The following FGF19 variants were observed in gnomAD, a reference collection of about 807,000 sequenced individuals.
The protein encoded by FGF19 is FGF-19.
In FGF19, 5 loss-of-function variants were observed where a neutral mutation model predicts 8.9. The ratio of observed to expected loss-of-function variants is 0.56; its 90% CI spans 0.29 to 1.18. FGF19 has a LOEUF of 1.18. Among genes scored for constraint, FGF19 ranks in the 50% most tolerant of loss-of-function variants. FGF19 has a pLI of 0.08. For missense variants in FGF19, 237 were observed against 293.9 expected (o/e 0.81, Z 1.42); for synonymous variants, 124 against 128.0 (o/e 0.97, Z 0.21).
chr11:69,702,742 A>C lies in FGF19; in HGVS notation c.336+519T>G, dbSNP rs1158599954. ...CGTGCTCCTGGTAGATTAAAAATTAATTCTAAAAAAAAAATCTCTCCTATC... is the reference window on the plus strand; with the variant it reads ...CGTGCTCCTGGTAGATTAAAAATTACTTCTAAAAAAAAAATCTCTCCTATC... On this transcript the variant is annotated intron_variant, in intron 2 of 2. Transcript: ENST00000294312. This position sits in a 1 kb window ranked among gnomAD's most constrained non-coding sequence, Gnocchi z 4.6. Among the ~76,000 whole-genome samples, 1 of 152,108 alleles carries C rather than the reference A, an allele frequency of 6.6e-6. No homozygotes were observed. The highest frequency in any genetic ancestry group is 6.5e-5 in the Admixed American group (1 of 15,278).
chr11:69,703,188 C>T lies in FGF19; in HGVS notation c.336+73G>A. Reference sequence around the variant, plus strand: ...CCTGGATTCGAACCAGCGCCTTTCTCTCCTTCAGGCCTCCGCCCGGGGACA... The same window carrying T: ...CCTGGATTCGAACCAGCGCCTTTCTTTCCTTCAGGCCTCCGCCCGGGGACA... On this transcript the variant is annotated intron_variant, in intron 2 of 2. Transcript: ENST00000294312. The surrounding 1 kb of genome is among the most constrained non-coding windows in gnomAD (Gnocchi z 6.8). 3.8e-6 allele frequency: 4 copies of T among 1,057,892 alleles called. No homozygotes were observed. In the East Asian group the frequency reaches 1.1e-4, roughly 28 times the overall value. 65.5% of individuals were successfully genotyped at this position (1,057,892 alleles called of 1,614,324 possible).
Position 69,699,220 on chromosome 11 carries a change from A to T in FGF19, c.*42T>A. ...GCACGTCCCCCACGCTGCAGGTACC[A>T]CAGCCCCTGGCAGCAGTGAAGAGGC... On this transcript the variant is annotated 3_prime_UTR_variant, in exon 3 of 3. Transcript: ENST00000294312. 6.8e-7 allele frequency: 1 copy of T among 1,467,570 alleles called. No individual in the cohort carries two copies. The highest frequency in any genetic ancestry group is 9.3e-7 in the Non-Finnish European group (1 of 1,070,788). 90.9% of individuals were successfully genotyped at this position (1,467,570 alleles called of 1,614,324 possible). A position where few individuals can be genotyped will look rare whatever the true frequency, so the allele number is the denominator to read the frequency against.
rs867463501 is a variant in FGF19 at position 69,703,512 on chromosome 11, C to G, written c.232+133G>C. The G allele has an allele frequency of 5.1e-6, 4 of 784,434 alleles. No homozygotes were observed. The South Asian group carries it at 1.0e-4, about 20-fold the overall frequency. The allele number at this position is 784,434 out of a possible 1,614,324, so 48.6% of individuals were successfully genotyped here. On this transcript the variant is annotated intron_variant, in intron 1 of 2. Coordinates refer to ENST00000294312, the MANE Select transcript of FGF19 (RefSeq NM_005117.3). This position sits in a 1 kb window ranked among gnomAD's most constrained non-coding sequence, Gnocchi z 6.8. Reference sequence around the variant, plus strand: ...GATCCTAACGTCCAGGTGCCAAAACCTGGGGTTCCCAGGAGTTGAGGGGTC... The same window carrying G: ...GATCCTAACGTCCAGGTGCCAAAACGTGGGGTTCCCAGGAGTTGAGGGGTC...
chr11:69,703,953 G>T lies in FGF19; in HGVS notation c.-77C>A, dbSNP rs538941127. On this transcript the variant is annotated 5_prime_UTR_variant, in exon 1 of 3. Transcript: ENST00000294312. The surrounding 1 kb of genome is among the most constrained non-coding windows in gnomAD (Gnocchi z 6.8). ...CTGGGCGGCGACCGGGATGCGCTGC[G>T]GGGCTGTGAGTGCCGGGTTGGGATG... The T allele has an allele frequency of 1.1e-6, 1 of 869,892 alleles. No homozygotes were observed. Among genetic ancestry groups the T allele is most frequent in the Non-Finnish European group, 1.5e-6 (1 of 653,806 alleles). 53.9% of individuals were successfully genotyped at this position (869,892 alleles called of 1,614,324 possible).
chr11:69,698,743 G>T lies in FGF19; in HGVS notation c.*519C>A, dbSNP rs1187125810. 1 of 205,332 alleles carries T rather than the reference G, an allele frequency of 4.9e-6. No individual in the cohort carries two copies. The highest frequency in any genetic ancestry group is 1.0e-5 in the Non-Finnish European group (1 of 99,684). The allele number at this position is 205,332 out of a possible 1,614,324, so 12.7% of individuals were successfully genotyped here. A position where few individuals can be genotyped will look rare whatever the true frequency, so the allele number is the denominator to read the frequency against. ...GCTCCAGTCAGTTCTGGCCTGGAGG[G>T]ATTTGGGAAGGGCAAATGGTCCCTG... On this transcript the variant is annotated 3_prime_UTR_variant, in exon 3 of 3. Coordinates refer to ENST00000294312, the MANE Select transcript of FGF19 (RefSeq NM_005117.3).
In FGF19 at chr11:69,699,403, G is replaced by A. The variant is rs745727296; in HGVS notation, c.510C>T (p.Pro170=). The A allele has an allele frequency of 2.2e-5, 36 of 1,614,080 alleles. No individual in the cohort carries two copies. The highest frequency in any genetic ancestry group is 2.6e-5 in the Non-Finnish European group (31 of 1,180,034). ...LPLSHFLPML[P]MVPEEPEDLR... ...GGTCCTCAGGCTCCTCTGGGACCAT[G>A]GGCAGCATGGGCAGGAAATGAGAGA... The change falls in exon 3 of 3, where the codon CCC becomes CCT. Residue 170 remains proline, a synonymous_variant. Coordinates refer to ENST00000294312, the MANE Select transcript of FGF19 (RefSeq NM_005117.3).
Position 69,699,149 on chromosome 11 carries a change from T to C in FGF19, c.*113A>G. The C allele has an allele frequency of 1.4e-6, 1 of 738,916 alleles. No individual in the cohort carries two copies. The highest frequency in any genetic ancestry group is 2.2e-6 in the Non-Finnish European group (1 of 459,782). The allele number at this position is 738,916 out of a possible 1,614,324, so 45.8% of individuals were successfully genotyped here. On this transcript the variant is annotated 3_prime_UTR_variant, in exon 3 of 3. Transcript: ENST00000294312. ...AATATGTACAACTTCTAGATGTTTC[T>C]TCCTAAAGCTAAACAGAACGTGGAC...
In FGF19 at chr11:69,702,953, A is replaced by G. The variant is rs1239426064; in HGVS notation, c.336+308T>C. Among the ~76,000 whole-genome samples, 4 of 152,270 alleles carry G rather than the reference A, an allele frequency of 2.6e-5. No homozygotes were observed. The East Asian group carries it at 5.8e-4, about 22-fold the overall frequency. ...GGCCCGAGGTGGGTTTTCCTGTTTAATATCAAAGGAGGCCGAATAATGGGT... is the reference window on the plus strand; with the variant it reads ...GGCCCGAGGTGGGTTTTCCTGTTTAGTATCAAAGGAGGCCGAATAATGGGT... On this transcript the variant is annotated intron_variant, in intron 2 of 2. Transcript: ENST00000294312. The surrounding 1 kb of genome is among the most constrained non-coding windows in gnomAD (Gnocchi z 4.6).
intron 2 of FGF19, among the ~76,000 whole-genome samples, 166 bp from the exon 3 acceptor site, chr11:69,699,742 G>GT (rs1406685354): frequency 6.6e-6 from 1 of 152,068 alleles, no homozygotes; most frequent in Non-Finnish European, 1.5e-5. Context: ...CACTGTACGT[G>GT]TAAGTATATA....
At chr11:69,700,057 C>G (rs533131377) in intron 2 of FGF19, among the ~76,000 whole-genome samples, 4 of 151,734 alleles carry the variant, frequency 2.6e-5, no homozygotes, top group East Asian at 3.9e-4. Flanking sequence ...CCACTGCACT[C>G]TAGTCTGGGT....
intron 2 of FGF19, among the ~76,000 whole-genome samples, chr11:69,701,582 G>A (rs1265882365): frequency 8.3e-6 from 1 of 120,494 alleles, no homozygotes; most frequent in African/African-American, 3.3e-5. Context: ...CAGCCTGGGC[G>A]ACAGAGCAAG....
rs372354107 is a variant in FGF19, at chr11:69,702,303, G to C, written c.336+958C>G. ...TTGAGACTCTAAAATGCTTTGTCCC[G>C]CTGTTCACAAAGGAGCTGGTTGGGC... On this transcript the variant is annotated intron_variant, in intron 2 of 2. Coordinates refer to ENST00000294312, the MANE Select transcript of FGF19 (RefSeq NM_005117.3). The surrounding 1 kb of genome is among the most constrained non-coding windows in gnomAD (Gnocchi z 4.6). Among the ~76,000 whole-genome samples, 2 of 152,174 alleles carry C rather than the reference G, an allele frequency of 1.3e-5. No individual in the cohort carries two copies. Among genetic ancestry groups the C allele is most frequent in the Non-Finnish European group, 2.9e-5 (2 of 68,020 alleles).
intron 2 of FGF19, among the ~76,000 whole-genome samples, chr11:69,701,654 G>A (rs1854773311): frequency 1.4e-5 from 2 of 145,808 alleles, no homozygotes; most frequent in African/African-American, 2.5e-5. Context: ...GTTAGACCAT[G>A]CACAGGGGAT....
In FGF19 at chr11:69,703,463, G is replaced by T; in HGVS notation, c.233-99C>A. ...AGCCTGTGCTTCTCCCTAGCGTCCC[G>T]CGCTGTTTGGGGACTAACGGAGGGA... On this transcript the variant is annotated intron_variant, in intron 1 of 2. Transcript: ENST00000294312. The surrounding 1 kb of genome is among the most constrained non-coding windows in gnomAD (Gnocchi z 6.8). The T allele has an allele frequency of 9.8e-7, 1 of 1,016,718 alleles. No homozygotes were observed. The highest frequency in any genetic ancestry group is 1.4e-6 in the Non-Finnish European group (1 of 696,268). The allele number at this position is 1,016,718 out of a possible 1,614,324, so 63.0% of individuals were successfully genotyped here.
Position 69,702,593 on chromosome 11 carries a change from C to T in FGF19, c.336+668G>A, listed in dbSNP as rs185189723. Among the ~76,000 whole-genome samples, 236 of 152,130 alleles carry T rather than the reference C, an allele frequency of 1.6e-3. 2 individuals carry two copies. The highest frequency in any genetic ancestry group is 5.2e-3 in the Admixed American group (79 of 15,304). On this transcript the variant is annotated intron_variant, in intron 2 of 2. Coordinates refer to ENST00000294312, the MANE Select transcript of FGF19 (RefSeq NM_005117.3). The surrounding 1 kb of genome is among the most constrained non-coding windows in gnomAD (Gnocchi z 4.6). ...CCGGGACCTCTGCGGTTACCTGGGCCTTCCCTGCCAGCCCCCACCCCCTGC... is the reference window on the plus strand; with the variant it reads ...CCGGGACCTCTGCGGTTACCTGGGCTTTCCCTGCCAGCCCCCACCCCCTGC...
At chr11:69,701,380 T>C (rs1401001405) in intron 2 of FGF19, among the ~76,000 whole-genome samples, 1 of 152,002 alleles carries the variant, frequency 6.6e-6, no homozygotes, top group Non-Finnish European at 1.5e-5. Flanking sequence ...GGCAGGCAGA[T>C]CGTGATGTCA....
intron 2 of FGF19, among the ~76,000 whole-genome samples, chr11:69,699,931 A>G (rs1196152201): frequency 1.3e-5 from 2 of 152,142 alleles, no homozygotes; most frequent in Non-Finnish European, 2.9e-5. Flanking sequence ...GACAAAAAGT[A>G]CAAACATTAG....
At position 69,699,372 on chromosome 11, in the gene FGF19, C is replaced by T. The variant is rs138367571; in HGVS notation, c.541G>A (p.Gly181Ser). 4.3e-4 allele frequency: 696 copies of T among 1,614,126 alleles called. 1 individual carries two copies. The highest frequency in any genetic ancestry group is 5.6e-4 in the Non-Finnish European group (658 of 1,179,992). Residue 181 changes from glycine to serine, a missense_variant, in exon 3 of 3, where the codon GGC (glycine) becomes AGC (serine). Gly to Ser is a moderately conservative substitution (Grantham distance 56). Transcript: ENST00000294312. ...GAGAACATGTCAGATTCCAAGTGGC[C>T]CCTGAGGTCCTCAGGCTCCTCTGGG... ...MVPEEPEDLRGHLESDMFSSP... is the reference protein window; with the variant it reads ...MVPEEPEDLRSHLESDMFSSP...
chr11:69,699,505 G>A lies in FGF19; in HGVS notation c.408C>T (p.Ser136=), dbSNP rs769423572. 35 of 1,614,002 alleles carry A rather than the reference G, an allele frequency of 2.2e-5. No individual in the cohort carries two copies. The highest frequency in any genetic ancestry group is 2.1e-4 in the African/African-American group (16 of 74,912). The stretch of plus-strand genomic sequence containing the variant: ...GGGAGACCGGGAGGCGGTGCTTCTC[G>A]GATCGGTACACATTGTAGCCATCTG... ...IRPDGYNVYR[S]EKHRLPVSLS... The change falls in exon 3 of 3, where the codon TCC becomes TCT. Residue 136 remains serine, a synonymous_variant. Transcript: ENST00000294312.
Sources: gnomAD v4.1 joint callset for allele counts (sites outside exome capture counted in the v4.1 genomes callset) on GRCh38, gnomAD v4.1.1 for gene constraint, Gnocchi (gnomAD v3.1) non-coding constraint, MANE v1.5 for transcripts, NCBI Gene and HGNC (gene_info 2026-07-23, HGNC 2026-07-21) for gene names.